ARHGEF4: variants seen among roughly 807,000 people sequenced by gnomAD.
The protein encoded by ARHGEF4 is Rho guanine nucleotide exchange factor 4.
A neutral mutation model predicts 162.0 loss-of-function variants in ARHGEF4; 119 were observed. The observed-to-expected ratio is 0.73, with a 90% confidence interval of 0.63 to 0.86. ARHGEF4 has a LOEUF of 0.86. Ranked by LOEUF, ARHGEF4 falls within the 40% of genes least tolerant of loss-of-function variation. The pLI is 0.00. For missense variants in ARHGEF4, 2,488 were observed against 2,456.0 expected (o/e 1.01, Z -0.28); for synonymous variants, 1,014 against 979.9 (o/e 1.03, Z -0.65).
chr2:131,030,890 A>G (rs1338560202), intron 5 of ARHGEF4, among the ~76,000 whole-genome samples: 2 of 152,222 alleles, frequency 1.3e-5, no homozygotes, highest in Non-Finnish European at 2.9e-5. Flanking sequence ...AACTGAAAAG[A>G]TAAGAAGTGA....
Position 130,916,292 on chromosome 2 carries a change from C to A in ARHGEF4, c.2346C>A (p.Arg782=), listed in dbSNP as rs1044153446. Residue 782 remains arginine, a synonymous_variant, in exon 2 of 14, where the codon CGC becomes CGA. Coordinates refer to ENST00000409359, the MANE Select transcript of ARHGEF4 (RefSeq NM_001367493.1). ...CGCCCCAGCCGCCACGCGGGCTCCG[C>A]AAGGGCGCGCAGGAGCCTGGGAAGC... is the stretch of plus-strand genomic sequence containing the variant. ...LEPPQPPRGL[R]KGAQEPGKRP... The A allele has an allele frequency of 1.2e-5, 18 of 1,538,612 alleles. No homozygotes were observed. The highest frequency in any genetic ancestry group is 1.5e-5 in the Non-Finnish European group (17 of 1,143,524).
chr2:130,976,712 G>T (rs1331183146), intron 4 of ARHGEF4, among the ~76,000 whole-genome samples: 2 of 152,352 alleles, frequency 1.3e-5, no homozygotes, highest in Middle Eastern at 3.4e-3. Context: ...TGGGGTCTCA[G>T]ACTGGGGGCA....
chr2:130,886,164 T>C (rs889937294), intron 1 of ARHGEF4, among the ~76,000 whole-genome samples: 3 of 152,098 alleles, frequency 2.0e-5, no homozygotes, highest in African/African-American at 7.3e-5. Context: ...GCCTCCTTGG[T>C]GCTTACCCAA....
intron 2 of ARHGEF4, among the ~76,000 whole-genome samples, chr2:130,918,477 A>G (rs1319825651): frequency 1.3e-5 from 2 of 152,238 alleles, no homozygotes; most frequent in African/African-American, 4.8e-5. Flanking sequence ...TCTTTAGACC[A>G]AGCGATGCCG....
chr2:131,032,848 C>CTTTTTTTTT (rs111971610), intron 5 of ARHGEF4, among the ~76,000 whole-genome samples: 24 of 128,614 alleles, frequency 1.9e-4, no homozygotes, highest in African/African-American at 4.0e-4. Context: ...TTTCTTTTTT[C>CTTTTTTTTT]TTTTTTTTTT....
chr2:130,879,436 T>C (rs954153496), intron 1 of ARHGEF4, among the ~76,000 whole-genome samples: 52 of 152,206 alleles, frequency 3.4e-4, no homozygotes, highest in African/African-American at 1.3e-3. Flanking sequence ...CATAACTTGC[T>C]TTTTTGATGA....
chr2:130,903,669 A>G (rs1429707221), intron 1 of ARHGEF4, among the ~76,000 whole-genome samples: 3 of 152,164 alleles, frequency 2.0e-5, no homozygotes, highest in African/African-American at 7.2e-5. Context: ...ATGGTACCCA[A>G]TAGGTAGTTT....
chr2:130,855,634 C>T (rs1397081318), intron 1 of ARHGEF4, among the ~76,000 whole-genome samples: 2 of 152,168 alleles, frequency 1.3e-5, no homozygotes, highest in African/African-American at 2.4e-5. Flanking sequence ...CATGACTGAA[C>T]TTAACTATTC....
In ARHGEF4 at chr2:130,908,447, C is replaced by T. The variant is rs368490150; in HGVS notation, c.40-5539C>T. Among the ~76,000 whole-genome samples, 43 of 152,234 alleles carry T rather than the reference C, an allele frequency of 2.8e-4. 1 individual carries two copies. In the South Asian group the frequency reaches 8.3e-3, roughly 29 times the overall value. ...ATCCCAGCACTTTGGGAGGCCGAGGCGGGTGGATCACGAGGTCAGGAGTTC... is the reference window on the plus strand; with the variant it reads ...ATCCCAGCACTTTGGGAGGCCGAGGTGGGTGGATCACGAGGTCAGGAGTTC... On this transcript the variant is annotated intron_variant, in intron 1 of 13. Transcript: ENST00000409359.
chr2:130,917,758 C>A (rs559722892), intron 2 of ARHGEF4, among the ~76,000 whole-genome samples: 1 of 151,844 alleles, frequency 6.6e-6, no homozygotes, highest in East Asian at 1.9e-4. Context: ...TTTGAATTTT[C>A]TTTTGTATGA....
intron 5 of ARHGEF4, among the ~76,000 whole-genome samples, chr2:131,029,968 G>A (rs10928502): frequency 0.84 from 127,776 of 152,158 alleles, 56,288 homozygotes; most frequent in Non-Finnish European, 0.97. Flanking sequence ...AGCAGTGACC[G>A]TTTGAGCTGG....
chr2:130,988,579 G>T (rs969261532), intron 4 of ARHGEF4, among the ~76,000 whole-genome samples: 4 of 152,122 alleles, frequency 2.6e-5, no homozygotes, highest in African/African-American at 9.7e-5. Flanking sequence ...CTTTGGTTCT[G>T]TGTATATGCT....
At chr2:130,945,871 T>C (rs541236441) in intron 3 of ARHGEF4, among the ~76,000 whole-genome samples, 11 of 152,338 alleles carry the variant, frequency 7.2e-5, no homozygotes, top group Admixed American at 2.0e-4. Flanking sequence ...CTAAGCACTG[T>C]TTGCTTAATA....
At chr2:130,883,091 C>A (rs912025195) in intron 1 of ARHGEF4, among the ~76,000 whole-genome samples, 2 of 152,150 alleles carry the variant, frequency 1.3e-5, no homozygotes, top group East Asian at 1.9e-4. Flanking sequence ...TTCCAGGATA[C>A]CATTGAGAAA....
At chr2:130,867,858 G>A (rs578199460) in intron 1 of ARHGEF4, among the ~76,000 whole-genome samples, 11 of 151,768 alleles carry the variant, frequency 7.2e-5, no homozygotes, top group Admixed American at 3.9e-4. Flanking sequence ...TCAGGCAGCC[G>A]CCCCCTGCGC....
At chr2:131,004,832 G>A (rs563412980) in intron 4 of ARHGEF4, among the ~76,000 whole-genome samples, 2 of 152,342 alleles carry the variant, frequency 1.3e-5, no homozygotes, top group Non-Finnish European at 2.9e-5. Flanking sequence ...CCAGTGTCTG[G>A]TGTGGGCAAA....
intron 1 of ARHGEF4, among the ~76,000 whole-genome samples, chr2:130,869,221 G>C (rs1682511674): frequency 6.6e-6 from 1 of 152,204 alleles, no homozygotes; most frequent in South Asian, 2.1e-4. Flanking sequence ...GGAGGAGTAA[G>C]GGTGGAGGCC....
intron 4 of ARHGEF4, among the ~76,000 whole-genome samples, chr2:131,008,512 G>A (rs984335940): frequency 6.6e-6 from 1 of 152,132 alleles, no homozygotes; most frequent in Non-Finnish European, 1.5e-5. Flanking sequence ...GGAGTATTTA[G>A]TCCATTAACT....
intron 1 of ARHGEF4, among the ~76,000 whole-genome samples, chr2:130,863,864 C>T (rs1181556977): frequency 1.1e-5 from 1 of 95,182 alleles, no homozygotes; most frequent in African/African-American, 4.3e-5. Context: ...TCTGGCATAT[C>T]CATAGGGTGG....
Sources: allele counts gnomAD v4.1 joint callset (sites outside exome capture counted in the v4.1 genomes callset), GRCh38; gene constraint gnomAD v4.1.1; transcripts MANE v1.5; gene names NCBI Gene and HGNC (gene_info 2026-07-23, HGNC 2026-07-21).